The following TBC1D5 variants were observed in gnomAD, a reference collection of about 807,000 sequenced individuals.
The protein encoded by TBC1D5 is TBC1 domain family, member 5.
Under a neutral mutation model 100.3 loss-of-function variants are expected in TBC1D5, and 75 were observed. The ratio of observed to expected loss-of-function variants is 0.75; its 90% confidence interval spans 0.62 to 0.91. The LOEUF (loss-of-function observed/expected upper bound fraction) is 0.91, where lower values mean the gene tolerates loss of function less well. Ranked by LOEUF, TBC1D5 falls within the 40% of genes least tolerant of loss-of-function variation. The pLI is 0.00. For synonymous variants in TBC1D5, 323 were observed against 325.6 expected, an observed-to-expected ratio of 0.99 and a Z score of 0.09; for missense variants, 910 against 942.4, an observed-to-expected ratio of 0.97 and a Z score of 0.45.
At chr3:17,352,686 A>AAAAAAC (rs1304621206) in intron 13 of TBC1D5, among the ~76,000 whole-genome samples, 2 of 147,606 alleles carry the variant, frequency 1.4e-5, no homozygotes, top group African/African-American at 5.1e-5. Flanking sequence ...CAAAAGGCAA[A>AAAAAAC]AAAAAAAAAA....
intron 13 of TBC1D5, among the ~76,000 whole-genome samples, chr3:17,339,219 A>T (rs181798334): frequency 3.6e-4 from 55 of 152,328 alleles, no homozygotes; most frequent in Non-Finnish European, 5.7e-4. Flanking sequence ...GATTAATAAC[A>T]CTGAAGATAT....
chr3:17,413,942 T>G (rs920396859), intron 4 of TBC1D5, among the ~76,000 whole-genome samples: 17 of 152,142 alleles, frequency 1.1e-4, no homozygotes, highest in African/African-American at 4.1e-4. Flanking sequence ...CTACTGACAA[T>G]GAAATTGCTG....
chr3:17,178,066 CT>C (rs34673889), intron 19 of TBC1D5, among the ~76,000 whole-genome samples: 197 of 130,038 alleles, frequency 1.5e-3, no homozygotes, highest in East Asian at 9.6e-3. Flanking sequence ...AATAGTGCTC[CT>C]TTTTTTTTTT....
In TBC1D5 at chr3:17,360,701, C is replaced by T. The variant is rs895853573; in HGVS notation, c.995+11374G>A. 9.5e-4 allele frequency among the ~76,000 whole-genome samples: 144 copies of T among 151,772 alleles called. 1 individual carries two copies. Among genetic ancestry groups the T allele is most frequent in the East Asian group, 3.9e-4 (2 of 5,182 alleles). ...CTTTAATAAACTGTTCTAATAAATA[C>T]AAATTTAAAAATAAAGTCTTAGTTG... On this transcript the variant is annotated intron_variant, in intron 13 of 21. Coordinates refer to ENST00000253692, the Ensembl canonical transcript of TBC1D5.
intron 1 of TBC1D5, among the ~76,000 whole-genome samples, chr3:17,676,688 T>C (rs1356691538): frequency 6.6e-6 from 1 of 152,072 alleles, no homozygotes; most frequent in Non-Finnish European, 1.5e-5. Context: ...GAGCCCGCAT[T>C]GCCAAGACAA....
At chr3:17,670,997 C>T (rs938465618) in intron 1 of TBC1D5, among the ~76,000 whole-genome samples, 2 of 152,200 alleles carry the variant, frequency 1.3e-5, no homozygotes, top group Non-Finnish European at 2.9e-5. Context: ...ACAACCAGCA[C>T]TACCACAAAT....
chr3:17,637,026 ATT>A (rs200983087), intron 1 of TBC1D5, among the ~76,000 whole-genome samples: 10 of 143,418 alleles, frequency 7.0e-5, no homozygotes, highest in South Asian at 2.2e-4. Flanking sequence ...ATCATTTATT[ATT>A]TTTTTTTTTT....
At chr3:17,519,892 T>C (rs2096043808) in intron 2 of TBC1D5, among the ~76,000 whole-genome samples, 1 of 152,176 alleles carries the variant, frequency 6.6e-6, no homozygotes, top group Non-Finnish European at 1.5e-5. Flanking sequence ...ACTTAACAAA[T>C]ATATACTGAG....
chr3:17,661,220 G>A (rs1211838006), intron 1 of TBC1D5, among the ~76,000 whole-genome samples: 2 of 152,170 alleles, frequency 1.3e-5, no homozygotes, highest in East Asian at 3.9e-4. Context: ...CCAGATTAAA[G>A]TCCCATCTGG....
intron 2 of TBC1D5, among the ~76,000 whole-genome samples, chr3:17,531,061 A>G (rs185813751): frequency 0.013 from 1,927 of 152,302 alleles, 47 homozygotes; most frequent in African/African-American, 0.044. Context: ...TTTGCAGATG[A>G]CATGATTGTA....
intron 1 of TBC1D5, among the ~76,000 whole-genome samples, chr3:17,677,388 A>G (rs956616240): frequency 2.6e-5 from 4 of 152,252 alleles, no homozygotes; most frequent in Admixed American, 2.6e-4. Context: ...GCCAAAAGAC[A>G]CATGAAAAAA....
intron 1 of TBC1D5, among the ~76,000 whole-genome samples, chr3:17,658,380 T>C (rs1219703742): frequency 1.3e-5 from 2 of 152,086 alleles, no homozygotes; most frequent in African/African-American, 4.8e-5. Context: ...TAGAAGGGAG[T>C]TAGAACTTCA....
chr3:17,376,444 A>T, intron 10 of TBC1D5, 81 bp downstream of exon 10: 1 of 1,177,804 alleles, frequency 8.5e-7, no homozygotes, highest in Non-Finnish European at 1.2e-6. Flanking sequence ...CCTTCCATTT[A>T]GAAGATTTTG....
chr3:17,310,172 C>T (rs1271413673), intron 13 of TBC1D5, among the ~76,000 whole-genome samples: 1 of 152,046 alleles, frequency 6.6e-6, no homozygotes, highest in Non-Finnish European at 1.5e-5. Flanking sequence ...ATTCCTCAAA[C>T]TTCTCTTGCA....
At chr3:17,351,547 G>A (rs1026044433) in intron 13 of TBC1D5, among the ~76,000 whole-genome samples, 1 of 152,086 alleles carries the variant, frequency 6.6e-6, no homozygotes, top group Non-Finnish European at 1.5e-5. Context: ...TATGGGCACA[G>A]GGAGGGGAAC....
At chr3:17,237,364 C>G (rs1019660175) in intron 17 of TBC1D5, among the ~76,000 whole-genome samples, 4 of 152,012 alleles carry the variant, frequency 2.6e-5, no homozygotes, top group Non-Finnish European at 5.9e-5. Flanking sequence ...AAAGGGGGAC[C>G]TAATACATTA....
At chr3:17,298,413 CTAGGG>C (rs2082480915) in intron 14 of TBC1D5, among the ~76,000 whole-genome samples, 1 of 152,046 alleles carries the variant, frequency 6.6e-6, no homozygotes, top group Admixed American at 6.6e-5. Flanking sequence ...TAACTGCAAC[CTAGGG>C]TAGGGCTGAT....
At chr3:17,291,249 A>G (rs1343534649) in intron 15 of TBC1D5, among the ~76,000 whole-genome samples, 1 of 152,188 alleles carries the variant, frequency 6.6e-6, no homozygotes, top group Admixed American at 6.5e-5. Flanking sequence ...ATTTTTTTAG[A>G]TCATTAAATG....
intron 3 of TBC1D5, among the ~76,000 whole-genome samples, chr3:17,432,845 A>T (rs2094467509): frequency 6.6e-6 from 1 of 152,252 alleles, no homozygotes; most frequent in African/African-American, 2.4e-5. Context: ...GACATCAGCA[A>T]GATGGCAGAG....
Sources: allele counts gnomAD v4.1 joint callset (sites outside exome capture counted in the v4.1 genomes callset), GRCh38; gene constraint gnomAD v4.1.1; transcripts MANE v1.5; gene names NCBI Gene and HGNC (gene_info 2026-07-23, HGNC 2026-07-21).